Variants in HS3ST5 observed in about 807,000 individuals in gnomAD.
HS3ST5 encodes the protein heparan sulfate glucosamine 3-O-sulfotransferase 5.
A neutral mutation model predicts 25.4 loss-of-function variants in HS3ST5; 10 were observed. The ratio of observed to expected loss-of-function variants is 0.39; its 90% confidence interval spans 0.24 to 0.67. The LOEUF (loss-of-function observed/expected upper bound fraction) is 0.67, where lower values mean the gene tolerates loss of function less well. Ranked by LOEUF, HS3ST5 falls within the 30% of genes least tolerant of loss-of-function variation. The pLI, the probability that HS3ST5 is intolerant of heterozygous loss-of-function variation, is 0.44. For synonymous variants in HS3ST5, 170 were observed against 162.4 expected (o/e 1.05, Z -0.36); for missense variants, 324 against 420.7 (o/e 0.77, Z 2.01).
intron 1 of HS3ST5, among the ~76,000 whole-genome samples, chr6:114,282,877 A>C (rs927894758): frequency 6.6e-6 from 1 of 151,950 alleles, no homozygotes; most frequent in Non-Finnish European, 1.5e-5. Flanking sequence ...CTCTCAACTA[A>C]AGTTTCTCAC....
At chr6:114,074,215 G>A (rs1450394832) in intron 3 of HS3ST5, among the ~76,000 whole-genome samples, 1 of 151,256 alleles carries the variant, frequency 6.6e-6, no homozygotes, top group Non-Finnish European at 1.5e-5. Flanking sequence ...GATGGGTACA[G>A]CAAACCAACA....
chr6:114,116,299 C>G (rs921884081), intron 3 of HS3ST5: 1 of 151,944 alleles, frequency 6.6e-6, no homozygotes, highest in Admixed American at 6.6e-5. Flanking sequence ...ATACAATTCT[C>G]TAAAGGAAAA....
intron 1 of HS3ST5, among the ~76,000 whole-genome samples, chr6:114,284,251 T>C (rs1023512116): frequency 5.3e-5 from 8 of 152,036 alleles, no homozygotes; most frequent in African/African-American, 1.9e-4. Context: ...AAATCCATTC[T>C]TCATTCACAA....
At chr6:114,104,529 A>G (rs1775897475) in intron 3 of HS3ST5, among the ~76,000 whole-genome samples, 1 of 152,168 alleles carries the variant, frequency 6.6e-6, no homozygotes, top group African/African-American at 2.4e-5. Flanking sequence ...CCTTCATTTC[A>G]GCAGCATTCC....
At chr6:114,270,092 A>T (rs561808060) in intron 1 of HS3ST5, among the ~76,000 whole-genome samples, 4 of 152,170 alleles carry the variant, frequency 2.6e-5, no homozygotes, top group Non-Finnish European at 5.9e-5. Flanking sequence ...GTCGTCTGGC[A>T]CCAGAGTGGT....
intron 3 of HS3ST5, among the ~76,000 whole-genome samples, chr6:114,098,736 T>A (rs1395859730): frequency 6.6e-6 from 1 of 151,926 alleles, no homozygotes; most frequent in Non-Finnish European, 1.5e-5. Context: ...TTTGCATTCA[T>A]CTTAGAATAA....
chr6:114,106,419 A>G (rs924480297), intron 3 of HS3ST5, among the ~76,000 whole-genome samples: 1 of 152,100 alleles, frequency 6.6e-6, no homozygotes, highest in Admixed American at 6.5e-5. Flanking sequence ...AAAGACCTAC[A>G]AAAAAGAAAT....
At chr6:114,314,213 C>T (rs1345676655) in intron 1 of HS3ST5, among the ~76,000 whole-genome samples, 14 of 152,174 alleles carry the variant, frequency 9.2e-5, no homozygotes, top group Admixed American at 9.2e-4. Flanking sequence ...CAGGTGTGAG[C>T]CACTATGCCA....
At chr6:114,146,106 A>T (rs1778148985) in intron 3 of HS3ST5, among the ~76,000 whole-genome samples, 1 of 152,216 alleles carries the variant, frequency 6.6e-6, no homozygotes, top group African/African-American at 2.4e-5. Flanking sequence ...AATTAAAAAA[A>T]ATTACAGAGT....
In HS3ST5 at chr6:114,247,207, C is replaced by G. The variant is rs181827227; in HGVS notation, c.-338-18429G>C. ...CACTGTTGTTAATCTTGTTGCAACA[C>G]GGTGGTTCTTCAGCTTTCATGAATT... On this transcript the variant is annotated intron_variant, in intron 1 of 4. Coordinates refer to ENST00000312719, the MANE Select transcript of HS3ST5 (RefSeq NM_153612.4). Among the ~76,000 whole-genome samples the G allele has an allele frequency of 2.6e-3, 403 of 152,224 alleles. 4 individuals are homozygous for G. In the South Asian group the frequency reaches 0.027, roughly 10 times the overall value.
At chr6:114,318,976 GT>G (rs1258388000) in intron 1 of HS3ST5, among the ~76,000 whole-genome samples, 5 of 152,108 alleles carry the variant, frequency 3.3e-5, no homozygotes, top group African/African-American at 4.8e-5. Context: ...CATCTTAGCA[GT>G]TTTTTGTTTT....
chr6:114,099,711 T>C (rs1265751480), intron 3 of HS3ST5, among the ~76,000 whole-genome samples: 1 of 152,164 alleles, frequency 6.6e-6, no homozygotes, highest in Non-Finnish European at 1.5e-5. Flanking sequence ...AATCCACATA[T>C]ATTGCTAGGT....
At chr6:114,307,552 A>G (rs1402413639) in intron 1 of HS3ST5, among the ~76,000 whole-genome samples, 1 of 152,112 alleles carries the variant, frequency 6.6e-6, no homozygotes, top group Admixed American at 6.5e-5. Context: ...GAGAATCATG[A>G]TAAAAAATAA....
chr6:114,341,222 G>GGAGAGAGAGAGAGATAGAGA (rs1776841773), intron 1 of HS3ST5, among the ~76,000 whole-genome samples: 1 of 46,600 alleles, frequency 2.1e-5, no homozygotes, highest in African/African-American at 1.2e-4. Flanking sequence ...GGAGAGAGGG[G>GGAGAGAGAGAGAGATAGAGA]GAGAGAGAGA....
chr6:114,205,569 T>C (rs978429577), intron 2 of HS3ST5, among the ~76,000 whole-genome samples: 9 of 152,188 alleles, frequency 5.9e-5, no homozygotes, highest in Non-Finnish European at 1.2e-4. Context: ...TCATTGGTCA[T>C]TGATGATTTA....
At chr6:114,202,062 A>C (rs192797866) in intron 2 of HS3ST5, among the ~76,000 whole-genome samples, 1 of 152,092 alleles carries the variant, frequency 6.6e-6, no homozygotes, top group Non-Finnish European at 1.5e-5. Flanking sequence ...ACACAGCCAA[A>C]TCACATCAGA....
intron 1 of HS3ST5, among the ~76,000 whole-genome samples, chr6:114,332,999 C>T (rs990294787): frequency 2.0e-5 from 3 of 152,116 alleles, no homozygotes; most frequent in Non-Finnish European, 4.4e-5. Context: ...CTAGTTTGAA[C>T]TCTACCCTGA....
chr6:114,299,149 G>A (rs1170180219), intron 1 of HS3ST5, among the ~76,000 whole-genome samples: 1 of 152,080 alleles, frequency 6.6e-6, no homozygotes, highest in African/African-American at 2.4e-5. Flanking sequence ...CACCCCTGAG[G>A]GTGGGCCTCT....
At position 114,256,636 on chromosome 6, in the gene HS3ST5, G is replaced by A. The variant is rs183993776; in HGVS notation, c.-338-27858C>T. ...CTCATCTCCATCTGAGACCACCTCA[G>A]CCTGGATTTCATTGTCCATATCATT... On this transcript the variant is annotated intron_variant, in intron 1 of 4. Coordinates refer to ENST00000312719, the MANE Select transcript of HS3ST5 (RefSeq NM_153612.4). Among the ~76,000 whole-genome samples, 94 of 152,248 alleles carry A rather than the reference G, an allele frequency of 6.2e-4. 3 individuals carry two copies. Among genetic ancestry groups the A allele is most frequent in the Admixed American group, 3.3e-4 (5 of 15,296 alleles).
Sources: allele counts gnomAD v4.1 joint callset (sites outside exome capture counted in the v4.1 genomes callset), GRCh38; gene constraint gnomAD v4.1.1; transcripts MANE v1.5; gene names NCBI Gene and HGNC (gene_info 2026-07-23, HGNC 2026-07-21).